Variants in DGKB observed in about 807,000 individuals in gnomAD.
The protein encoded by DGKB is diacylglycerol kinase beta.
DGKB carries 67 observed loss-of-function variants against 114.3 expected under a neutral mutation model. The observed-to-expected ratio is 0.59, with a 90% CI of 0.48 to 0.72. DGKB has a LOEUF of 0.72. DGKB is among the 30% of genes least tolerant of loss of function. The pLI, the probability that DGKB is intolerant of heterozygous loss-of-function variation, is 0.00. For synonymous variants in DGKB, 398 were observed against 323.1 expected, an observed-to-expected ratio of 1.23 and a Z score of -2.49; for missense variants, 907 against 975.2, an observed-to-expected ratio of 0.93 and a Z score of 0.93.
At chr7:14,533,051 A>C (rs1353965408) in intron 20 of DGKB, among the ~76,000 whole-genome samples, 2 of 151,866 alleles carry the variant, frequency 1.3e-5, no homozygotes, top group African/African-American at 4.8e-5. Flanking sequence ...AAAGTCTACA[A>C]AGTACCTGTC....
At chr7:14,321,264 C>T (rs1807737353) in intron 23 of DGKB, among the ~76,000 whole-genome samples, 1 of 152,040 alleles carries the variant, frequency 6.6e-6, no homozygotes, top group Non-Finnish European at 1.5e-5. Context: ...GCACTTCAGC[C>T]TGGGCAACAG....
intron 23 of DGKB, chr7:14,192,043 C>A (rs762052361): frequency 2.1e-6 from 1 of 467,338 alleles, no homozygotes; most frequent in Non-Finnish European, 4.1e-6. Flanking sequence ...GCTATTTGTT[C>A]TATGAGACAG....
chr7:14,697,549 C>T (rs181157017), intron 8 of DGKB, among the ~76,000 whole-genome samples: 3 of 151,816 alleles, frequency 2.0e-5, no homozygotes, highest in Admixed American at 2.0e-4. Context: ...CCCACATATA[C>T]CTTGTTATCT....
chr7:14,438,289 G>A (rs1829575802), intron 21 of DGKB, among the ~76,000 whole-genome samples: 1 of 152,112 alleles, frequency 6.6e-6, no homozygotes. Flanking sequence ...GGCTGATGGA[G>A]TCGAATTAGT....
At chr7:14,225,167 G>C (rs1376134306) in intron 23 of DGKB, among the ~76,000 whole-genome samples, 3 of 152,026 alleles carry the variant, frequency 2.0e-5, no homozygotes, top group Admixed American at 1.3e-4. Flanking sequence ...AATTAAGTCA[G>C]TTCCTGTGGG....
At chr7:14,385,763 C>T (rs541983050) in intron 21 of DGKB, among the ~76,000 whole-genome samples, 10 of 152,312 alleles carry the variant, frequency 6.6e-5, no homozygotes, top group Middle Eastern at 3.4e-3. Flanking sequence ...GTAAGCATCT[C>T]TTTATTATCA....
At chr7:14,643,673 T>C (rs1812296569) in intron 13 of DGKB, among the ~76,000 whole-genome samples, 1 of 152,144 alleles carries the variant, frequency 6.6e-6, no homozygotes, top group African/African-American at 2.4e-5. Context: ...CTGAAGCATG[T>C]GCACACCAAA....
chr7:14,888,520 C>T (rs1222643993), intron 1 of DGKB, among the ~76,000 whole-genome samples: 1 of 151,682 alleles, frequency 6.6e-6, no homozygotes, highest in Non-Finnish European at 1.5e-5. Context: ...TTTCATGTTG[C>T]ATTTCAGACT....
chr7:14,607,289 A>G (rs2128780239), intron 17 of DGKB, 145 bp downstream of exon 17: 1 of 562,258 alleles, frequency 1.8e-6, no homozygotes, highest in South Asian at 2.1e-5. Flanking sequence ...ATTTGCACTC[A>G]TTTCTCTTAC....
At chr7:14,678,742 C>T in intron 12 of DGKB, among the ~76,000 whole-genome samples, 1 of 151,878 alleles carries the variant, frequency 6.6e-6, no homozygotes, top group Non-Finnish European at 1.5e-5. Context: ...GGAAAAGTAC[C>T]TTCTGTTAGG....
rs139567397 is a variant in DGKB at position 14,580,538 on chromosome 7, T to C, written c.1609+324A>G. Among the ~76,000 whole-genome samples the C allele has an allele frequency of 7.6e-4, 116 of 152,254 alleles. 1 individual carries two copies. The highest frequency in any genetic ancestry group is 1.4e-3 in the Non-Finnish European group (98 of 68,012). On this transcript the variant is annotated intron_variant, in intron 19 of 25. Transcript: ENST00000402815. ...CCTCCCAACTTATAAATGAAAAGTA[T>C]AAAAATTACCTTGAAGTGCATCCAT...
At position 14,448,840 on chromosome 7, in the gene DGKB, A is replaced by G. The variant is rs184206943; in HGVS notation, c.1835+29321T>C. Among the ~76,000 whole-genome samples the G allele has an allele frequency of 3.3e-5, 5 of 152,218 alleles. No homozygotes were observed. The East Asian group carries it at 9.7e-4, about 30-fold the overall frequency. On this transcript the variant is annotated intron_variant, in intron 21 of 25. Transcript: ENST00000402815. Reference sequence around the variant, plus strand: ...GTGTTATTAACTATTACACTATCAAAGTGAGGGAACCGAGTCAGATTTTAA... The same window carrying G: ...GTGTTATTAACTATTACACTATCAAGGTGAGGGAACCGAGTCAGATTTTAA...
At chr7:14,563,534 T>C (rs1038629078) in intron 20 of DGKB, among the ~76,000 whole-genome samples, 28 of 152,272 alleles carry the variant, frequency 1.8e-4, no homozygotes, top group African/African-American at 6.3e-4. Flanking sequence ...TAATATTTTC[T>C]ATCTTTTTGT....
At chr7:14,913,440 A>G (rs1206368273) in intron 1 of DGKB, among the ~76,000 whole-genome samples, 2 of 150,404 alleles carry the variant, frequency 1.3e-5, no homozygotes, top group Non-Finnish European at 3.0e-5. Flanking sequence ...TCATCATAAT[A>G]TTTATTACCT....
chr7:14,600,828 CA>C (rs1451785016), intron 17 of DGKB, among the ~76,000 whole-genome samples: 14 of 152,200 alleles, frequency 9.2e-5, no homozygotes, highest in Non-Finnish European at 1.5e-5. Context: ...CCGAAACCCC[CA>C]TTCCTTCCAT....
chr7:14,445,439 C>T (rs878948288), intron 21 of DGKB, among the ~76,000 whole-genome samples: 102 of 151,856 alleles, frequency 6.7e-4, no homozygotes, highest in Admixed American at 2.1e-3. Context: ...TGCAATAGCC[C>T]CTTTCTTTAT....
At chr7:14,876,409 G>A (rs991390822) in intron 1 of DGKB, among the ~76,000 whole-genome samples, 1 of 152,194 alleles carries the variant, frequency 6.6e-6, no homozygotes, top group Non-Finnish European at 1.5e-5. Flanking sequence ...TGCCTGTTGA[G>A]TAAAGCTGTT....
At chr7:14,356,424 C>T (rs144450554) in intron 21 of DGKB, among the ~76,000 whole-genome samples, 4,711 of 141,888 alleles carry the variant, frequency 0.033, 241 homozygotes, top group African/African-American at 0.11. Context: ...TGCAGTGGCA[C>T]GATCTCGGCT....
intron 23 of DGKB, among the ~76,000 whole-genome samples, chr7:14,231,069 TCTTTCTTCTTTC>T: frequency 6.6e-6 from 1 of 151,104 alleles, no homozygotes; most frequent in East Asian, 2.0e-4. Flanking sequence ...GGTTAAAAAT[TCTTTCTTCTTTC>T]CCTTTCTTTC....
Sources: gnomAD v4.1 joint callset for allele counts (sites outside exome capture counted in the v4.1 genomes callset) on GRCh38, gnomAD v4.1.1 for gene constraint, MANE v1.5 for transcripts, NCBI Gene and HGNC (gene_info 2026-07-23, HGNC 2026-07-21) for gene names.